GIT1: variants seen among roughly 807,000 people sequenced by gnomAD.
GIT1 encodes the protein GIT ArfGAP 1.
GIT1 carries 14 observed loss-of-function variants against 91.7 expected under a neutral mutation model. The observed-to-expected ratio is 0.15, with a 90% confidence interval of 0.10 to 0.24. The LOEUF (loss-of-function observed/expected upper bound fraction) is 0.24. Among genes scored for constraint, GIT1 ranks in the 10% least tolerant of loss-of-function variants. The pLI is 1.00. For missense variants in GIT1, 717 were observed against 1,024.9 expected, an observed-to-expected ratio of 0.70 and a Z score of 4.10; for synonymous variants, 414 against 418.2, an observed-to-expected ratio of 0.99 and a Z score of 0.12.
In GIT1 at chr17:29,589,225, C is replaced by T. The variant is rs1598585524; in HGVS notation, c.52+102G>A. ...AGCCTGGAGGCCGCAGCCCCCCGCC[C>T]CGCCCAGCCCTCCGGCCCCGCACAG... On this transcript the variant is annotated intron_variant, in intron 1 of 19. Coordinates refer to ENST00000225394, the MANE Select transcript of GIT1 (RefSeq NM_014030.4). The surrounding 1 kb of genome is among the most constrained non-coding windows in gnomAD (Gnocchi z 5.2). 9.5e-6 allele frequency: 3 copies of T among 314,864 alleles called. No individual in the cohort carries two copies. Among genetic ancestry groups the T allele is most frequent in the Non-Finnish European group, 1.4e-5 (3 of 215,802 alleles). 19.5% of individuals were successfully genotyped at this position (314,864 alleles called of 1,614,324 possible).
chr17:29,579,021 C>T (rs1277706476), intron 7 of GIT1: 2 of 1,611,244 alleles, frequency 1.2e-6, no homozygotes, highest in South Asian at 2.2e-5. Flanking sequence ...GAGGGAAGAA[C>T]AGGACAGAGG....
chr17:29,576,040 C>G lies in GIT1; in HGVS notation c.1665+38G>C, dbSNP rs774313540. On this transcript the variant is annotated intron_variant, in intron 15 of 19. Coordinates refer to ENST00000225394, the MANE Select transcript of GIT1 (RefSeq NM_014030.4). Reference sequence around the variant, plus strand: ...GCCCAGAACCCCCTGGGGCTCAGAACCTACTGGCTAAGATGGACACGCCTT... The same window carrying G: ...GCCCAGAACCCCCTGGGGCTCAGAAGCTACTGGCTAAGATGGACACGCCTT... 3.7e-6 allele frequency: 6 copies of G among 1,607,834 alleles called. No individual in the cohort carries two copies. In the South Asian group the frequency reaches 6.6e-5, roughly 18 times the overall value.
Position 29,574,405 on chromosome 17 carries a change from G to GAT in GIT1, c.*296_*297insAT, listed in dbSNP as rs1307389526. On this transcript the variant is annotated 3_prime_UTR_variant, in exon 20 of 20. Coordinates refer to ENST00000225394, the MANE Select transcript of GIT1 (RefSeq NM_014030.4). ...CTGCCCCTTTGCTGAGGGTGCCCTAGAAGGCGAGGGGCTGGGAGTGATGCC... is the reference window on the plus strand; with the variant it reads ...CTGCCCCTTTGCTGAGGGTGCCCTAGATAAGGCGAGGGGCTGGGAGTGATGCC... 2.6e-5 allele frequency: 11 copies of GAT among 428,170 alleles called. No individual in the cohort carries two copies. Among genetic ancestry groups the GAT allele is most frequent in the Admixed American group, 7.8e-5 (2 of 25,582 alleles). 26.5% of individuals were successfully genotyped at this position (428,170 alleles called of 1,614,324 possible).
At chr17:29,578,669 G>T in intron 8 of GIT1, 62 bp downstream of exon 8, 1 of 1,400,498 alleles carries the variant, frequency 7.1e-7, no homozygotes, top group Non-Finnish European at 1.0e-6. Context: ...AGCAAGAGCA[G>T]AGGGTGGGGG....
chr17:29,579,792 T>G (rs1326862707), intron 7 of GIT1, among the ~76,000 whole-genome samples: 1 of 151,670 alleles, frequency 6.6e-6, no homozygotes, highest in Non-Finnish European at 1.5e-5. Context: ...GAAAAATAGA[T>G]GCTGTCATCT....
chr17:29,576,011 C>G, intron 15 of GIT1, 67 bp downstream of exon 15: 2 of 1,575,334 alleles, frequency 1.3e-6, no homozygotes, highest in South Asian at 1.1e-5. Context: ...GAATTCAGCA[C>G]AGAGCCCAGA....
chr17:29,575,869 C>A lies in GIT1; in HGVS notation c.1695G>T (p.Val565=). The A allele has an allele frequency of 1.9e-6, 3 of 1,611,234 alleles. No individual in the cohort carries two copies. Among genetic ancestry groups the A allele is most frequent in the Non-Finnish European group, 2.5e-6 (3 of 1,178,772 alleles). The change falls in exon 16 of 20, where the codon GTG becomes GTT. Residue 565 remains valine, a synonymous_variant. Transcript: ENST00000225394. The surrounding 1 kb of genome is among the most constrained non-coding windows in gnomAD (Gnocchi z 5.5). ...RIRKGVSASA[V]PFTPSSPLLS... Reference sequence around the variant, plus strand: ...GCAGCGGGGAGGAGGGAGTGAAGGGCACAGCTGAGGCAGACACCCCTTTCC... The same window carrying A: ...GCAGCGGGGAGGAGGGAGTGAAGGGAACAGCTGAGGCAGACACCCCTTTCC...
At chr17:29,587,009 C>T (rs2033614929) in intron 1 of GIT1, among the ~76,000 whole-genome samples, 1 of 152,160 alleles carries the variant, frequency 6.6e-6, no homozygotes, top group African/African-American at 2.4e-5. Context: ...CAGGCTGCAT[C>T]TCACCTCTGA....
At chr17:29,585,853 T>C (rs2033577034) in intron 1 of GIT1, among the ~76,000 whole-genome samples, 3 of 152,060 alleles carry the variant, frequency 2.0e-5, no homozygotes. Context: ...CGCTTCTGGC[T>C]CCACCGGCAG....
rs2033384142 is a variant in GIT1, at chr17:29,581,261, G to C, written c.761+77C>G. 2 of 1,075,162 alleles carry C rather than the reference G, an allele frequency of 1.9e-6. No individual in the cohort carries two copies. The highest frequency in any genetic ancestry group is 2.9e-6 in the Non-Finnish European group (2 of 691,142). The allele number at this position is 1,075,162 out of a possible 1,614,324, so 66.6% of individuals were successfully genotyped here. On this transcript the variant is annotated intron_variant, in intron 7 of 19. Transcript: ENST00000225394. This position sits in a 1 kb window ranked among gnomAD's most constrained non-coding sequence, Gnocchi z 4.8. ...GCAGGGTCCTAGGCCTCTGAAACCT[G>C]GGCTGGGAGCTCTGGGGGTCAGCCA...
chr17:29,581,412 C>T lies in GIT1; in HGVS notation c.719-32G>A. 1.3e-6 allele frequency: 2 copies of T among 1,584,304 alleles called. No individual in the cohort carries two copies. Among genetic ancestry groups the T allele is most frequent in the African/African-American group, 2.7e-5 (2 of 74,426 alleles). On this transcript the variant is annotated intron_variant, in intron 6 of 19. Transcript: ENST00000225394. This position sits in a 1 kb window ranked among gnomAD's most constrained non-coding sequence, Gnocchi z 4.8. ...AAAAATAAAAATGCCAAGTCACTCA[C>T]TAGTGCTGGGTGGCCTCAGCAGCTG...
At chr17:29,584,979 T>TC (rs2033541450) in intron 1 of GIT1, among the ~76,000 whole-genome samples, 1 of 150,192 alleles carries the variant, frequency 6.7e-6, no homozygotes, top group Non-Finnish European at 1.5e-5. Flanking sequence ...TTTTTTTTTT[T>TC]TGAGACGGAG....
At chr17:29,578,889 C>T in intron 7 of GIT1, 110 bp from the exon 8 acceptor site, 1 of 1,570,360 alleles carries the variant, frequency 6.4e-7, no homozygotes. Flanking sequence ...GATGGCACCC[C>T]AGATGCTGCA....
At chr17:29,587,385 C>A (rs919208375) in intron 1 of GIT1, among the ~76,000 whole-genome samples, 4 of 152,182 alleles carry the variant, frequency 2.6e-5, no homozygotes, top group Non-Finnish European at 5.9e-5. Context: ...AGACTGTCCA[C>A]ATCCTCCCCA....
chr17:29,583,570 C>G lies in GIT1; in HGVS notation c.99G>C (p.Glu33Asp). ...SISRGVLVCD[E>D]CCSVHRSLGR... ...CCAGGCTCCGGTGCACGCTGCAGCA[C>G]TCGTCACACACCAGCACACCCCTGC... Residue 33 changes from glutamate (E) to aspartate (D), a missense_variant, in exon 2 of 20, where the codon GAG becomes GAC. By Grantham distance (45) the Glu-to-Asp change is conservative (BLOSUM62 2). Coordinates refer to ENST00000225394, the MANE Select transcript of GIT1 (RefSeq NM_014030.4). 1 of 1,608,980 alleles carries G rather than the reference C, an allele frequency of 6.2e-7. No individual in the cohort carries two copies.
chr17:29,588,013 G>A (rs2033653718), intron 1 of GIT1, among the ~76,000 whole-genome samples: 1 of 152,098 alleles, frequency 6.6e-6, no homozygotes, highest in Non-Finnish European at 1.5e-5. Context: ...TAAGCCCCTA[G>A]GAGGCCTTGG....
At chr17:29,585,398 G>A (rs1029036430) in intron 1 of GIT1, among the ~76,000 whole-genome samples, 5 of 152,172 alleles carry the variant, frequency 3.3e-5, no homozygotes, top group South Asian at 2.1e-4. Context: ...TGGTCCTACC[G>A]GAGAAGCCAG....
chr17:29,582,573 A>G lies in GIT1; in HGVS notation c.405+125T>C, dbSNP rs2033438153. The stretch of plus-strand genomic sequence containing the variant: ...ACAATCTGCTCTCTCCACCCTGTCT[A>G]CTGTTACCCTGACCTGGCTGCCTTT... On this transcript the variant is annotated intron_variant, in intron 4 of 19. Transcript: ENST00000225394. 4.4e-6 allele frequency: 3 copies of G among 678,842 alleles called. No homozygotes were observed. The African/African-American group carries it at 5.3e-5, about 12-fold the overall frequency. The allele number at this position is 678,842 out of a possible 1,614,324, so 42.1% of individuals were successfully genotyped here. A position where few individuals can be genotyped will look rare whatever the true frequency, so the allele number is the denominator to read the frequency against.
At chr17:29,579,197 C>T in intron 7 of GIT1, 1 of 587,070 alleles carries the variant, frequency 1.7e-6, no homozygotes, top group Admixed American at 3.0e-5. Flanking sequence ...TTGTCCACCA[C>T]CAGTGTCAGC....
Sources: allele counts gnomAD v4.1 joint callset (sites outside exome capture counted in the v4.1 genomes callset), GRCh38; gene constraint gnomAD v4.1.1; non-coding constraint Gnocchi (gnomAD v3.1); transcripts MANE v1.5; gene names NCBI Gene and HGNC (gene_info 2026-07-23, HGNC 2026-07-21).